The following TCEA1 variants were observed in gnomAD, a reference collection of about 807,000 sequenced individuals.
TCEA1 encodes transcription elongation factor A1, also known as transcription elongation factor A protein 1.
TCEA1 carries 21 observed loss-of-function variants against 43.8 expected under a neutral mutation model. The observed-to-expected ratio is 0.48, with a 90% confidence interval of 0.34 to 0.69. TCEA1 has a LOEUF of 0.69. Among genes scored for constraint, TCEA1 ranks in the 30% least tolerant of loss-of-function variants. The pLI, the probability that TCEA1 is intolerant of heterozygous loss-of-function variation, is 0.01. For synonymous variants in TCEA1, 104 were observed against 117.5 expected (o/e 0.88, Z 0.75); for missense variants, 250 against 365.1 (o/e 0.68, Z 2.57).
At chr8:53,994,725 G>A (rs1200217835) in intron 3 of TCEA1, among the ~76,000 whole-genome samples, 2 of 151,960 alleles carry the variant, frequency 1.3e-5, no homozygotes, top group East Asian at 3.9e-4. Flanking sequence ...CAAAAAATTA[G>A]CCGGGCGTGG....
intron 8 of TCEA1, among the ~76,000 whole-genome samples, chr8:53,970,694 G>A (rs1803131144): frequency 6.6e-6 from 1 of 152,086 alleles, no homozygotes; most frequent in South Asian, 2.1e-4. Context: ...TCCCAGATAA[G>A]TGGGAAAATC....
At chr8:54,017,638 A>T (rs1804876447) in intron 1 of TCEA1, among the ~76,000 whole-genome samples, 2 of 152,104 alleles carry the variant, frequency 1.3e-5, no homozygotes. Flanking sequence ...TACCCAAAAA[A>T]GGCTGGGCTC....
chr8:54,013,811 G>A (rs1804735472), intron 1 of TCEA1, among the ~76,000 whole-genome samples: 1 of 151,820 alleles, frequency 6.6e-6, no homozygotes, highest in African/African-American at 2.4e-5. Flanking sequence ...GTGCTGCTAT[G>A]TGCTTGGCAT....
chr8:53,975,704 G>A (rs1471520091), intron 8 of TCEA1, among the ~76,000 whole-genome samples: 2 of 152,200 alleles, frequency 1.3e-5, no homozygotes, highest in Non-Finnish European at 2.9e-5. Flanking sequence ...CTGAGAGTCA[G>A]AGAGCAGAAT....
At chr8:54,011,282 C>G (rs991252289) in intron 1 of TCEA1, among the ~76,000 whole-genome samples, 2 of 152,300 alleles carry the variant, frequency 1.3e-5, no homozygotes, top group East Asian at 3.9e-4. Context: ...TTTTACCCCA[C>G]AAAGAGCTGT....
At chr8:54,000,790 A>G (rs1586021851) in intron 2 of TCEA1, among the ~76,000 whole-genome samples, 1 of 136,492 alleles carries the variant, frequency 7.3e-6, no homozygotes, top group Non-Finnish European at 1.5e-5. Context: ...ACGGACTCTC[A>G]CTCTGTCACC....
At chr8:54,010,567 G>A (rs761590280) in intron 1 of TCEA1, 75 bp from the exon 2 acceptor site, 32 of 1,200,138 alleles carry the variant, frequency 2.7e-5, no homozygotes, top group Non-Finnish European at 3.6e-5. Context: ...AGGTTCATGG[G>A]AGAATCACAG....
chr8:54,016,247 C>T (rs1451963210), intron 1 of TCEA1, among the ~76,000 whole-genome samples: 4 of 152,014 alleles, frequency 2.6e-5, no homozygotes, highest in African/African-American at 4.8e-5. Context: ...GAGGCCGAGG[C>T]GGGCAGATCA....
At chr8:53,970,518 C>A in intron 8 of TCEA1, 55 bp from the exon 9 acceptor site, 1 of 904,824 alleles carries the variant, frequency 1.1e-6, no homozygotes, top group Non-Finnish European at 1.7e-6. Flanking sequence ...AAAACCCAAC[C>A]CAAATAATGT....
At chr8:53,998,958 G>A (rs1223383865) in intron 3 of TCEA1, among the ~76,000 whole-genome samples, 2 of 152,078 alleles carry the variant, frequency 1.3e-5, no homozygotes, top group Admixed American at 1.3e-4. Flanking sequence ...GCCAGGCGAG[G>A]TGGCTCACGC....
In TCEA1 at chr8:54,019,219, A is replaced by G. The variant is rs79367138; in HGVS notation, c.63+2844T>C. ...GCATGTTAAAATATTTTTTTAAATG[A>G]TATCTAAATTTGCACTTAAATTTGT... On this transcript the variant is annotated intron_variant, in intron 1 of 9. Coordinates refer to ENST00000521604, the MANE Select transcript of TCEA1 (RefSeq NM_006756.4). Among the ~76,000 whole-genome samples the G allele has an allele frequency of 4.3e-3, 655 of 152,270 alleles. 10 individuals are homozygous for G. The highest frequency in any genetic ancestry group is 8.7e-3 in the South Asian group (42 of 4,830).
At chr8:53,978,078 G>A (rs1803386958) in intron 8 of TCEA1, among the ~76,000 whole-genome samples, 1 of 151,982 alleles carries the variant, frequency 6.6e-6, no homozygotes, top group Non-Finnish European at 1.5e-5. Context: ...ATATCAACTT[G>A]GTTTTAGTTA....
chr8:53,985,731 C>CT (rs1563479054), intron 6 of TCEA1, among the ~76,000 whole-genome samples: 2 of 152,308 alleles, frequency 1.3e-5, no homozygotes, highest in East Asian at 3.9e-4. Context: ...CACAGTACCC[C>CT]TCTCCTGGAG....
In TCEA1 at chr8:53,967,983, A is replaced by C. The variant is rs1803039182; in HGVS notation, c.*121T>G. 4 of 833,626 alleles carry C rather than the reference A, an allele frequency of 4.8e-6. No individual in the cohort carries two copies. The East Asian group carries it at 8.1e-5, about 17-fold the overall frequency. The allele number at this position is 833,626 out of a possible 1,614,324, so 51.6% of individuals were successfully genotyped here. A position where few individuals can be genotyped will look rare whatever the true frequency, so the allele number is the denominator to read the frequency against. On this transcript the variant is annotated 3_prime_UTR_variant, in exon 10 of 10. Transcript: ENST00000521604. ...GGAAGGGATGTTAGGTCAAAAACAA[A>C]GTCTAACCCAAGTTGCTTTAAAAAT... is the stretch of plus-strand genomic sequence containing the variant.
At chr8:53,991,463 G>C (rs1241041016) in intron 4 of TCEA1, among the ~76,000 whole-genome samples, 2 of 151,730 alleles carry the variant, frequency 1.3e-5, no homozygotes, top group African/African-American at 4.9e-5. Context: ...GGGAGGCCAA[G>C]GCGGGCGGAT....
At chr8:53,973,131 G>T in intron 8 of TCEA1, 1 of 604,702 alleles carries the variant, frequency 1.7e-6, no homozygotes, top group Non-Finnish European at 3.1e-6. Flanking sequence ...ACAAGGTGAT[G>T]ATGAAGTCAA....
chr8:54,001,382 C>G (rs1804254955), intron 2 of TCEA1, among the ~76,000 whole-genome samples: 1 of 152,084 alleles, frequency 6.6e-6, no homozygotes, highest in Non-Finnish European at 1.5e-5. Flanking sequence ...CAAACAGATT[C>G]AGGATCTAAG....
In TCEA1 at chr8:53,979,070, C is replaced by A; in HGVS notation, c.780G>T (p.Leu260Phe). The change falls in exon 8 of 10, where the codon TTG becomes TTT. Residue 260 changes from leucine to phenylalanine, a missense_variant. By Grantham distance (22) the Leu-to-Phe change is conservative (BLOSUM62 0). Transcript: ENST00000521604. ...TCTTTTTACATTTGCCACATGTGAACAAGTCAGTCTGGGTCCCACCAGTCT... is the reference window on the plus strand; with the variant it reads ...TCTTTTTACATTTGCCACATGTGAAAAAGTCAGTCTGGGTCCCACCAGTCT... ...MAKTGGTQTDLFTCGKCKKKN... is the reference protein window; with the variant it reads ...MAKTGGTQTDFFTCGKCKKKN... 6.2e-7 allele frequency: 1 copy of A among 1,613,468 alleles called. No individual in the cohort carries two copies. The highest frequency in any genetic ancestry group is 8.5e-7 in the Non-Finnish European group (1 of 1,179,508).
chr8:54,015,961 A>G (rs1804810033), intron 1 of TCEA1, among the ~76,000 whole-genome samples: 1 of 152,250 alleles, frequency 6.6e-6, no homozygotes, highest in South Asian at 2.1e-4. Flanking sequence ...GGACATGCAA[A>G]TCAAACCCAC....
Sources: allele counts gnomAD v4.1 joint callset (sites outside exome capture counted in the v4.1 genomes callset), GRCh38; gene constraint gnomAD v4.1.1; transcripts MANE v1.5; gene names NCBI Gene and HGNC (gene_info 2026-07-23, HGNC 2026-07-21).